Variants in INPP5A observed in about 807,000 individuals in gnomAD.
INPP5A encodes 43 kDa inositol polyphosphate 5-phophatase.
A neutral mutation model predicts 65.2 loss-of-function variants in INPP5A; 14 were observed. That is an observed-to-expected ratio of 0.21 (90% CI 0.14 to 0.34). The LOEUF is 0.34. Ranked by LOEUF, INPP5A falls within the 10% of genes least tolerant of loss-of-function variation. The probability of loss-of-function intolerance (pLI) is 1.00; values close to 1 mark genes in which losing one functional copy is unlikely to be tolerated. For synonymous variants in INPP5A, 207 were observed against 208.3 expected, an observed-to-expected ratio of 0.99 and a Z score of 0.05; for missense variants, 431 against 545.6, an observed-to-expected ratio of 0.79 and a Z score of 2.09.
At chr10:132,632,909 G>A (rs865834969) in intron 2 of INPP5A, among the ~76,000 whole-genome samples, 3 of 152,176 alleles carry the variant, frequency 2.0e-5, no homozygotes, top group Non-Finnish European at 4.4e-5. Context: ...ATGCCACATC[G>A]GTGGCTTAGC....
intron 4 of INPP5A, among the ~76,000 whole-genome samples, chr10:132,688,186 G>C (rs1001513544): frequency 1.3e-5 from 2 of 152,210 alleles, no homozygotes; most frequent in Non-Finnish European, 2.9e-5. Flanking sequence ...CTGCAGACAG[G>C]GACCAGGCCA....
intron 2 of INPP5A, among the ~76,000 whole-genome samples, chr10:132,645,266 G>T (rs140173119): frequency 0.034 from 5,219 of 152,336 alleles, 139 homozygotes; most frequent in Middle Eastern, 0.071. Flanking sequence ...CAGGTTCCCG[G>T]CTCTGCCACT....
At chr10:132,779,487 T>C (rs1847121798) in intron 13 of INPP5A, among the ~76,000 whole-genome samples, 1 of 152,242 alleles carries the variant, frequency 6.6e-6, no homozygotes, top group African/African-American at 2.4e-5. Flanking sequence ...CTCCCCACAT[T>C]GTGCTGCCGC....
intron 1 of INPP5A, among the ~76,000 whole-genome samples, chr10:132,553,472 A>G (rs190617103): frequency 2.9e-4 from 32 of 111,894 alleles, no homozygotes; most frequent in East Asian, 2.6e-3. Context: ...AATATTGAGT[A>G]GGATAGGGAG....
chr10:132,755,941 C>G (rs1846600558), intron 11 of INPP5A, among the ~76,000 whole-genome samples: 1 of 152,220 alleles, frequency 6.6e-6, no homozygotes, highest in South Asian at 2.1e-4. Context: ...ATGTACCTGG[C>G]ACACACAGCC....
At chr10:132,556,289 A>AT (rs1312112158) in intron 1 of INPP5A, among the ~76,000 whole-genome samples, 2 of 152,098 alleles carry the variant, frequency 1.3e-5, no homozygotes, top group Admixed American at 1.3e-4. Flanking sequence ...ACACACCAGA[A>AT]TGCATCCACA....
rs563608266 is a variant in INPP5A at position 132,778,999 on chromosome 10, G to A, written c.1089+1217G>A. Among the ~76,000 whole-genome samples the A allele has an allele frequency of 1.8e-3, 277 of 152,356 alleles. 3 individuals are homozygous for A. Among genetic ancestry groups the A allele is most frequent in the African/African-American group, 5.9e-3 (245 of 41,588 alleles). On this transcript the variant is annotated intron_variant, in intron 13 of 15. Coordinates refer to ENST00000368594, the MANE Select transcript of INPP5A (RefSeq NM_005539.5). ...TCCTTCCTACATCCTGGAGCACCCT[G>A]GGTGCAGCCTGCCCTCCGTCCCTGG...
intron 9 of INPP5A, among the ~76,000 whole-genome samples, chr10:132,729,977 G>A (rs559872106): frequency 6.6e-6 from 1 of 152,308 alleles, no homozygotes; most frequent in Admixed American, 6.5e-5. Flanking sequence ...GTGAGCACCT[G>A]TGTCTGAGAG....
intron 2 of INPP5A, among the ~76,000 whole-genome samples, chr10:132,632,114 G>A (rs375992798): frequency 6.6e-6 from 1 of 152,278 alleles, no homozygotes; most frequent in Non-Finnish European, 1.5e-5. Context: ...CTTTGCAGCA[G>A]TGTGTTTCCA....
Position 132,753,738 on chromosome 10 carries a change from GTGCA to G in INPP5A, c.903+3895_903+3898del, listed in dbSNP as rs1846539113. ...TGTTTAGCAACCGCTGTAGCCCCAG[GTGCA>G]TTGATTTTCTGGGCCTCTTTCCTTT... On this transcript the variant is annotated intron_variant, in intron 11 of 15. Transcript: ENST00000368594. This position sits in a 1 kb window ranked among gnomAD's most constrained non-coding sequence, Gnocchi z 5.3. 1 of 152,142 alleles carries G rather than the reference GTGCA, an allele frequency of 6.6e-6. No homozygotes were observed. Among genetic ancestry groups the G allele is most frequent in the Non-Finnish European group, 1.5e-5 (1 of 68,038 alleles). 9.4% of individuals were successfully genotyped at this position (152,142 alleles called of 1,614,324 possible).
chr10:132,748,717 GGA>G (rs1364130419), intron 9 of INPP5A, among the ~76,000 whole-genome samples: 1 of 152,270 alleles, frequency 6.6e-6, no homozygotes, highest in Non-Finnish European at 1.5e-5. Flanking sequence ...ATGCAGTGTG[GGA>G]GAGAGATCGG....
intron 6 of INPP5A, among the ~76,000 whole-genome samples, chr10:132,703,483 A>AC (rs1446336030): frequency 2.7e-5 from 3 of 112,016 alleles, no homozygotes; most frequent in Admixed American, 2.1e-4. Context: ...ACGTGGCTTC[A>AC]CCCCCCACAC....
rs1455793197 is a variant in INPP5A at position 132,551,296 on chromosome 10, G to A, written c.75+13125G>A. Among the ~76,000 whole-genome samples, 2 of 152,250 alleles carry A rather than the reference G, an allele frequency of 1.3e-5. No homozygotes were observed. Among genetic ancestry groups the A allele is most frequent in the Admixed American group, 1.3e-4 (2 of 15,292 alleles). On this transcript the variant is annotated intron_variant, in intron 1 of 15. Transcript: ENST00000368594. This position sits in a 1 kb window ranked among gnomAD's most constrained non-coding sequence, Gnocchi z 5.3. ...TGACCACATGGATGAGCCTGCGAGT[G>A]TGAAGCTGAGAACTGGGTTGACTGC...
In INPP5A at chr10:132,549,881, C is replaced by T. The variant is rs2071028482; in HGVS notation, c.75+11710C>T. Among the ~76,000 whole-genome samples, 1 of 151,964 alleles carries T rather than the reference C, an allele frequency of 6.6e-6. No individual in the cohort carries two copies. Among genetic ancestry groups the T allele is most frequent in the Admixed American group, 6.6e-5 (1 of 15,250 alleles). ...AGTCAGCCTCAAATTATTAACCAGG[C>T]ATTAGGGGATGGGGTCAGCCTCGAG... On this transcript the variant is annotated intron_variant, in intron 1 of 15. Transcript: ENST00000368594. This position sits in a 1 kb window ranked among gnomAD's most constrained non-coding sequence, Gnocchi z 4.9.
At position 132,714,341 on chromosome 10, in the gene INPP5A, T is replaced by C. The variant is rs1037482467; in HGVS notation, c.647+3885T>C. 2.6e-5 allele frequency among the ~76,000 whole-genome samples: 4 copies of C among 152,286 alleles called. No individual in the cohort carries two copies. In the East Asian group the frequency reaches 7.7e-4, roughly 29 times the overall value. ...GAGTCTGGAACAATGGGTCGCCCTT[T>C]CACCGCGGCTGCTAACCTCTTGGCA... On this transcript the variant is annotated intron_variant, in intron 8 of 15. Transcript: ENST00000368594.
rs564299450 is a variant in INPP5A, at chr10:132,728,237, A to T, written c.732+1332A>T. On this transcript the variant is annotated intron_variant, in intron 9 of 15. Coordinates refer to ENST00000368594, the MANE Select transcript of INPP5A (RefSeq NM_005539.5). ...CTCTGCGTGTGGTGGGCTGAGGAGC[A>T]CATGGAGTTTTTAAAGCACACATCC... is the stretch of plus-strand genomic sequence containing the variant. Among the ~76,000 whole-genome samples, 4 of 152,350 alleles carry T rather than the reference A, an allele frequency of 2.6e-5. No individual in the cohort carries two copies. In the East Asian group the frequency reaches 7.7e-4, roughly 29 times the overall value.
chr10:132,749,028 C>T (rs1223421445), intron 9 of INPP5A, among the ~76,000 whole-genome samples: 10 of 152,248 alleles, frequency 6.6e-5, no homozygotes, highest in Non-Finnish European at 1.2e-4. Context: ...AGCCATCCCT[C>T]CCACGTCAGC....
intron 1 of INPP5A, among the ~76,000 whole-genome samples, chr10:132,593,751 A>G (rs2071648663): frequency 6.6e-6 from 1 of 151,952 alleles, no homozygotes; most frequent in Non-Finnish European, 1.5e-5. Context: ...CAATTGGGAT[A>G]TGATCTGCCT....
chr10:132,606,962 T>G (rs1462657213), intron 1 of INPP5A, among the ~76,000 whole-genome samples: 1 of 152,182 alleles, frequency 6.6e-6, no homozygotes, highest in Non-Finnish European at 1.5e-5. Flanking sequence ...AAATGGAAAC[T>G]CTACCCTTTT....
Sources: gnomAD v4.1 joint callset for allele counts (sites outside exome capture counted in the v4.1 genomes callset) on GRCh38, gnomAD v4.1.1 for gene constraint, Gnocchi (gnomAD v3.1) non-coding constraint, MANE v1.5 for transcripts, NCBI Gene and HGNC (gene_info 2026-07-23, HGNC 2026-07-21) for gene names.